Variants in C12orf42 observed in about 807,000 individuals in gnomAD.
C12orf42 encodes chromosome 12 open reading frame 42.
In C12orf42, 25 loss-of-function variants were observed where a neutral mutation model predicts 21.6. The ratio of observed to expected loss-of-function variants is 1.16; its 90% confidence interval spans 0.84 to 1.62. The LOEUF is 1.62. Ranked by LOEUF, C12orf42 falls within the 40% of genes most tolerant of loss-of-function variation. C12orf42 has a pLI of 0.00. For missense variants in C12orf42, 483 were observed against 459.3 expected, an observed-to-expected ratio of 1.05 and a Z score of -0.47; for synonymous variants, 174 against 175.0, an observed-to-expected ratio of 0.99 and a Z score of 0.05.
chr12:103,301,966 T>G lies in C12orf42; in HGVS notation c.*142A>C. The stretch of plus-strand genomic sequence containing the variant: ...TTGGCTGCGCTAGGGACTTTTGACA[T>G]TATTTATTAGGTTCAAAAATGCTTC... On this transcript the variant is annotated 3_prime_UTR_variant, in exon 6 of 6. Coordinates refer to ENST00000548883, the MANE Select transcript of C12orf42 (RefSeq NM_198521.5). 1.0e-6 allele frequency: 1 copy of G among 966,592 alleles called. No individual in the cohort carries two copies. Among genetic ancestry groups the G allele is most frequent in the South Asian group, 1.8e-5 (1 of 56,584 alleles). The allele number at this position is 966,592 out of a possible 1,614,324, so 59.9% of individuals were successfully genotyped here.
chr12:103,160,461 T>C, the C12orf42 span, among the ~76,000 whole-genome samples: 4 of 152,170 alleles, frequency 2.6e-5, no homozygotes, highest in Non-Finnish European at 5.9e-5. Context: ...TGAACATTGT[T>C]CTCTAATAAA....
chr12:103,530,876 G>C, the C12orf42 span, among the ~76,000 whole-genome samples: 12 of 152,286 alleles, frequency 7.9e-5, no homozygotes, highest in East Asian at 2.3e-3. Flanking sequence ...TCCCGCCACA[G>C]CTCTCATTAT....
chr12:103,149,884 A>G, the C12orf42 span, among the ~76,000 whole-genome samples: 1 of 152,210 alleles, frequency 6.6e-6, no homozygotes, highest in Non-Finnish European at 1.5e-5. Context: ...TATTCACTCT[A>G]TGTTCCTTGA....
At position 103,478,260 on chromosome 12, in the gene C12orf42, C is replaced by T. The variant is rs1429029419; in HGVS notation, c.78+89G>A. 3 of 785,230 alleles carry T rather than the reference C, an allele frequency of 3.8e-6. No homozygotes were observed. The African/African-American group carries it at 5.3e-5, about 14-fold the overall frequency. The allele number at this position is 785,230 out of a possible 1,614,324, so 48.6% of individuals were successfully genotyped here. A position where few individuals can be genotyped will look rare whatever the true frequency, so the allele number is the denominator to read the frequency against. On this transcript the variant is annotated intron_variant, in intron 2 of 5. Transcript: ENST00000548883. ...TATCTAAAATATAATATCAATGACA[C>T]TGAATCAAGAATCACAATTAGTGGC...
At chr12:103,426,494 C>T (rs2139232360) in intron 2 of C12orf42, among the ~76,000 whole-genome samples, 1 of 152,268 alleles carries the variant, frequency 6.6e-6, no homozygotes, top group African/African-American at 2.4e-5. Flanking sequence ...ACTGGTGTAC[C>T]TGAAAGTGAT....
At chr12:103,561,813 C>A in the C12orf42 span, among the ~76,000 whole-genome samples, 3 of 152,184 alleles carry the variant, frequency 2.0e-5, no homozygotes, top group African/African-American at 7.2e-5. Flanking sequence ...CTCCTCTCTG[C>A]CGATATTACT....
At chr12:103,325,982 CATTGTGCTCAATA>C (rs1419200270) in intron 4 of C12orf42, among the ~76,000 whole-genome samples, 5 of 152,166 alleles carry the variant, frequency 3.3e-5, no homozygotes, top group Non-Finnish European at 7.3e-5. Context: ...AGAAAGAGTA[CATTGTGCTCAATA>C]ATAATATTTA....
chr12:103,339,741 G>C (rs1483611309), intron 4 of C12orf42, among the ~76,000 whole-genome samples: 2 of 152,210 alleles, frequency 1.3e-5, no homozygotes, highest in African/African-American at 4.8e-5. Context: ...TACACTGTTG[G>C]TGGGAGTGAA....
At chr12:103,365,483 G>C (rs1290590439) in intron 4 of C12orf42, among the ~76,000 whole-genome samples, 2 of 152,050 alleles carry the variant, frequency 1.3e-5, no homozygotes, top group Non-Finnish European at 2.9e-5. Context: ...AGAGCAATCA[G>C]ACAAGAGAAA....
At chr12:103,286,650 G>T (rs1005294534) in intron 4 of C12orf42, among the ~76,000 whole-genome samples, 21 of 151,770 alleles carry the variant, frequency 1.4e-4, no homozygotes, top group African/African-American at 5.1e-4. Flanking sequence ...TGTGTGTGGT[G>T]CTTTTTACAA....
intron 1 of C12orf42, 136 bp from the exon 2 acceptor site, chr12:103,478,583 ATTT>A (rs3065865): frequency 0.02 from 5,567 of 276,976 alleles, no homozygotes; most frequent in South Asian, 0.032. Flanking sequence ...ACTTTCAATA[ATTT>A]TTTTTTTTTT....
intron 2 of C12orf42, among the ~76,000 whole-genome samples, chr12:103,430,498 C>T (rs1202582309): frequency 6.6e-6 from 1 of 152,202 alleles, no homozygotes; most frequent in African/African-American, 2.4e-5. Context: ...AAAAGGAACA[C>T]TTTTACACTG....
intron 4 of C12orf42, among the ~76,000 whole-genome samples, chr12:103,295,902 T>C (rs957515346): frequency 6.6e-5 from 10 of 152,092 alleles, no homozygotes; most frequent in African/African-American, 2.2e-4. Flanking sequence ...CTAGGGTACA[T>C]GTGCACAACG....
intron 2 of C12orf42, chr12:103,431,326 T>C: frequency 6.6e-6 from 1 of 152,190 alleles, no homozygotes; most frequent in Non-Finnish European, 1.5e-5. Context: ...GAAAATTAAA[T>C]AGAGGCCATT....
chr12:103,524,125 T>C, the C12orf42 span, among the ~76,000 whole-genome samples: 1 of 152,208 alleles, frequency 6.6e-6, no homozygotes, highest in African/African-American at 2.4e-5. Context: ...CTTTAGCTTC[T>C]TTTCACAGCC....
chr12:103,195,894 G>T, the C12orf42 span, among the ~76,000 whole-genome samples: 179 of 152,114 alleles, frequency 1.2e-3, no homozygotes, highest in Non-Finnish European at 2.2e-3. Context: ...TCCTGAATTT[G>T]CCTCTGGGGT....
downstream of C12orf42, among the ~76,000 whole-genome samples, chr12:103,267,383 T>C (rs941611002): frequency 6.6e-6 from 1 of 151,998 alleles, no homozygotes; most frequent in African/African-American, 2.4e-5. Flanking sequence ...CCCAGTAATC[T>C]AGGTAAGCAT....
intron 3 of C12orf42, among the ~76,000 whole-genome samples, chr12:103,390,691 A>G (rs1015168069): frequency 3.9e-5 from 6 of 152,236 alleles, no homozygotes; most frequent in African/African-American, 1.2e-4. Flanking sequence ...GAGGTTTGAA[A>G]ATCAAGCAAA....
chr12:103,208,354 C>T, the C12orf42 span, among the ~76,000 whole-genome samples: 2 of 152,138 alleles, frequency 1.3e-5, no homozygotes, highest in South Asian at 4.1e-4. Context: ...ATCTCCCCAC[C>T]CACCCACACT....
Sources: allele counts gnomAD v4.1 joint callset (sites outside exome capture counted in the v4.1 genomes callset), GRCh38; gene constraint gnomAD v4.1.1; transcripts MANE v1.5; gene names NCBI Gene and HGNC (gene_info 2026-07-23, HGNC 2026-07-21).